The following SPAG16 variants were observed in gnomAD, a reference collection of about 807,000 sequenced individuals.
The protein encoded by SPAG16 is sperm associated antigen 16.
A neutral mutation model predicts 80.4 loss-of-function variants in SPAG16; 86 were observed. The ratio of observed to expected loss-of-function variants is 1.07; its 90% confidence interval spans 0.90 to 1.28. SPAG16 has a LOEUF of 1.28. Ranked by LOEUF, SPAG16 falls within the 50% of genes most tolerant of loss-of-function variation. The pLI, the probability that SPAG16 is intolerant of heterozygous loss-of-function variation, is 0.00. For synonymous variants in SPAG16, 294 were observed against 265.9 expected, an observed-to-expected ratio of 1.11 and a Z score of -1.03; for missense variants, 870 against 765.3, an observed-to-expected ratio of 1.14 and a Z score of -1.61.
At chr2:214,379,023 C>T (rs1202104026) in intron 15 of SPAG16, among the ~76,000 whole-genome samples, 4 of 152,160 alleles carry the variant, frequency 2.6e-5, no homozygotes, top group African/African-American at 9.7e-5. Flanking sequence ...ATCATACCAC[C>T]GTCTGGCTTA....
chr2:214,168,911 T>C (rs1374132295), intron 15 of SPAG16, among the ~76,000 whole-genome samples: 2 of 152,140 alleles, frequency 1.3e-5, no homozygotes, highest in Non-Finnish European at 2.9e-5. Context: ...TGAGCAAGTG[T>C]TGTTACTTCA....
chr2:213,714,475 G>A (rs1397723966), intron 10 of SPAG16, among the ~76,000 whole-genome samples: 1 of 151,952 alleles, frequency 6.6e-6, no homozygotes, highest in Admixed American at 6.6e-5. Flanking sequence ...GCAGGGAAGG[G>A]GAATAAAAGA....
intron 10 of SPAG16, among the ~76,000 whole-genome samples, chr2:213,743,790 T>G (rs889692983): frequency 4.6e-5 from 7 of 152,196 alleles, no homozygotes; most frequent in African/African-American, 7.2e-5. Context: ...CTATCACTTC[T>G]AGAAAATTCT....
intron 15 of SPAG16, among the ~76,000 whole-genome samples, chr2:214,218,446 G>A (rs2058487044): frequency 6.6e-6 from 1 of 152,112 alleles, no homozygotes; most frequent in Non-Finnish European, 1.5e-5. Context: ...TGAGACTTAT[G>A]TTTTGCCTCC....
intron 12 of SPAG16, among the ~76,000 whole-genome samples, chr2:213,931,622 A>G (rs914125760): frequency 6.6e-6 from 1 of 152,164 alleles, no homozygotes; most frequent in Non-Finnish European, 1.5e-5. Flanking sequence ...AAAGCAAACT[A>G]TGGTTAAAAA....
intron 15 of SPAG16, among the ~76,000 whole-genome samples, chr2:214,359,039 T>C (rs906046215): frequency 1.3e-5 from 2 of 151,884 alleles, no homozygotes; most frequent in Non-Finnish European, 2.9e-5. Context: ...GAAGGCATAA[T>C]ATAAGACTCT....
At chr2:213,439,411 G>T (rs6751733) in intron 9 of SPAG16, among the ~76,000 whole-genome samples, 11,281 of 152,208 alleles carry the variant, frequency 0.074, 1,380 homozygotes, top group African/African-American at 0.25. Flanking sequence ...TCATGGTCAG[G>T]ACTTAGAAAG....
At chr2:214,257,957 T>G (rs148423156) in intron 15 of SPAG16, among the ~76,000 whole-genome samples, 15 of 152,262 alleles carry the variant, frequency 9.9e-5, no homozygotes, top group African/African-American at 3.6e-4. Context: ...TATAGAAATA[T>G]TTTGATAACA....
In SPAG16 at chr2:214,363,432, A is replaced by T. The variant is rs549956041; in HGVS notation, c.1721-46708A>T. Among the ~76,000 whole-genome samples the T allele has an allele frequency of 2.0e-5, 3 of 152,154 alleles. No individual in the cohort carries two copies. In the East Asian group the frequency reaches 5.8e-4, roughly 29 times the overall value. ...CTCTAGTCTCAAAGTACATATTTTT[A>T]AATCAATTTCCATACTTTTAAATAT... On this transcript the variant is annotated intron_variant, in intron 15 of 15. Coordinates refer to ENST00000331683, the MANE Select transcript of SPAG16 (RefSeq NM_024532.5).
chr2:213,327,163 GT>G (rs5838379), intron 5 of SPAG16, among the ~76,000 whole-genome samples: 129,289 of 147,220 alleles, frequency 0.88, 58,431 homozygotes, highest in East Asian at 0.99. Flanking sequence ...TGTTTGCTGT[GT>G]TTTTTTTTTT....
At chr2:213,649,756 T>C (rs1165296742) in intron 10 of SPAG16, among the ~76,000 whole-genome samples, 2 of 152,042 alleles carry the variant, frequency 1.3e-5, no homozygotes, top group African/African-American at 4.8e-5. Flanking sequence ...AAATAAAATA[T>C]TTTTTGTAAA....
chr2:214,116,333 G>C (rs2053932297), intron 14 of SPAG16, among the ~76,000 whole-genome samples: 1 of 152,202 alleles, frequency 6.6e-6, no homozygotes, highest in Admixed American at 6.5e-5. Flanking sequence ...AAGGAGACTT[G>C]CCCATATTCT....
chr2:214,101,125 T>C (rs1337910610), intron 13 of SPAG16, among the ~76,000 whole-genome samples: 1 of 149,328 alleles, frequency 6.7e-6, no homozygotes, highest in Non-Finnish European at 1.5e-5. Flanking sequence ...GTCTGAAATA[T>C]GACTTTTGAT....
chr2:214,274,776 G>A (rs1384359085), intron 15 of SPAG16, among the ~76,000 whole-genome samples: 1 of 152,138 alleles, frequency 6.6e-6, no homozygotes, highest in East Asian at 1.9e-4. Flanking sequence ...TTGTGTCTCT[G>A]CCAGTCTTTG....
intron 13 of SPAG16, among the ~76,000 whole-genome samples, chr2:214,028,783 TTGTG>T (rs747113124): frequency 6.6e-6 from 1 of 151,904 alleles, no homozygotes; most frequent in African/African-American, 2.4e-5. Context: ...GTGTATATAT[TTGTG>T]TGTGTGTGCA....
At chr2:214,173,677 A>G (rs2056964919) in intron 15 of SPAG16, among the ~76,000 whole-genome samples, 1 of 151,972 alleles carries the variant, frequency 6.6e-6, no homozygotes, top group Non-Finnish European at 1.5e-5. Context: ...TCCTTCTGAA[A>G]CTATTCCAAT....
intron 10 of SPAG16, among the ~76,000 whole-genome samples, chr2:213,801,886 T>A (rs1182595792): frequency 6.6e-6 from 1 of 152,248 alleles, no homozygotes; most frequent in Non-Finnish European, 1.5e-5. Flanking sequence ...TTTGATAAGT[T>A]TGAGTTTGCT....
At chr2:214,276,473 C>T (rs1409622319) in intron 15 of SPAG16, among the ~76,000 whole-genome samples, 1 of 152,154 alleles carries the variant, frequency 6.6e-6, no homozygotes, top group Non-Finnish European at 1.5e-5. Context: ...TTCAGGAGCT[C>T]TTTTAAGGCA....
At chr2:214,137,359 A>G (rs2055114527) in intron 14 of SPAG16, among the ~76,000 whole-genome samples, 1 of 152,038 alleles carries the variant, frequency 6.6e-6, no homozygotes, top group South Asian at 2.1e-4. Context: ...TTATCTAATG[A>G]CATATATATT....
Sources: allele counts gnomAD v4.1 joint callset (sites outside exome capture counted in the v4.1 genomes callset), GRCh38; gene constraint gnomAD v4.1.1; transcripts MANE v1.5; gene names NCBI Gene and HGNC (gene_info 2026-07-23, HGNC 2026-07-21).